NKAIN3: variants seen among roughly 807,000 people sequenced by gnomAD.
NKAIN3 encodes the protein sodium/potassium-transporting ATPase subunit beta-1-interacting protein 3.
In NKAIN3, 25 loss-of-function variants were observed where a neutral mutation model predicts 30.2. The ratio of observed to expected loss-of-function variants is 0.83; its 90% CI spans 0.60 to 1.16. NKAIN3 has a LOEUF of 1.16. Ranked by LOEUF, NKAIN3 falls within the 50% of genes most tolerant of loss-of-function variation. The pLI, the probability that NKAIN3 is intolerant of heterozygous loss-of-function variation, is 0.00. For missense variants in NKAIN3, 225 were observed against 254.1 expected (o/e 0.89, Z 0.78); for synonymous variants, 91 against 89.6 (o/e 1.02, Z -0.09).
intron 4 of NKAIN3, among the ~76,000 whole-genome samples, chr8:62,805,356 C>T (rs1586216457): frequency 6.6e-6 from 1 of 151,720 alleles, no homozygotes; most frequent in African/African-American, 2.4e-5. Context: ...CAATCCTAAG[C>T]CAAAAGAACA....
intron 1 of NKAIN3, among the ~76,000 whole-genome samples, chr8:62,541,497 C>T (rs1406966246): frequency 1.3e-5 from 2 of 152,090 alleles, no homozygotes; most frequent in African/African-American, 2.4e-5. Flanking sequence ...AATTTTCATT[C>T]ATTTTTCTGG....
chr8:62,650,073 GA>G (rs965015472), intron 3 of NKAIN3, among the ~76,000 whole-genome samples: 2 of 150,692 alleles, frequency 1.3e-5, no homozygotes, highest in South Asian at 2.1e-4. Flanking sequence ...TCTGATGGCT[GA>G]AAAAAAAACT....
At chr8:62,879,978 A>G (rs953188040) in intron 4 of NKAIN3, among the ~76,000 whole-genome samples, 9 of 152,140 alleles carry the variant, frequency 5.9e-5, no homozygotes, top group African/African-American at 1.9e-4. Context: ...AGATCACCTT[A>G]TTAGGAAGCA....
At chr8:62,504,597 A>G (rs1171844625) in intron 1 of NKAIN3, among the ~76,000 whole-genome samples, 2 of 152,180 alleles carry the variant, frequency 1.3e-5, no homozygotes, top group Non-Finnish European at 2.9e-5. Flanking sequence ...TGTTGCAATA[A>G]CAATCAAATT....
At chr8:62,337,891 G>A (rs900451070) in intron 1 of NKAIN3, among the ~76,000 whole-genome samples, 1 of 151,968 alleles carries the variant, frequency 6.6e-6, no homozygotes, top group Admixed American at 6.6e-5. Context: ...AGATGCGGAG[G>A]TCAACAAGCC....
At position 62,978,671 on chromosome 8, in the gene NKAIN3, C is replaced by G. The variant is rs1156367985; in HGVS notation, c.*13264C>G. 1 of 152,704 alleles carries G rather than the reference C, an allele frequency of 6.5e-6. No homozygotes were observed. The highest frequency in any genetic ancestry group is 1.5e-5 in the Non-Finnish European group (1 of 68,210). 9.5% of individuals were successfully genotyped at this position (152,704 alleles called of 1,614,324 possible). On this transcript the variant is annotated 3_prime_UTR_variant, in exon 7 of 7. Transcript: ENST00000623646. ...CTGGGCTCCATGGGGGTGGGATCTA[C>G]TGATCAAGACCACTTGGCTCCCTGG...
At chr8:62,261,347 C>A (rs1053409802) in intron 1 of NKAIN3, among the ~76,000 whole-genome samples, 2 of 151,848 alleles carry the variant, frequency 1.3e-5, no homozygotes, top group Admixed American at 6.6e-5. Flanking sequence ...CATTGCATAA[C>A]TGATTTGTTG....
At chr8:62,668,186 T>A (rs1813190585) in intron 3 of NKAIN3, among the ~76,000 whole-genome samples, 1 of 152,040 alleles carries the variant, frequency 6.6e-6, no homozygotes, top group African/African-American at 2.4e-5. Context: ...TTCACAGCAC[T>A]TGTGTCCATC....
At position 62,583,527 on chromosome 8, in the gene NKAIN3, A is replaced by G. The variant is rs564425877; in HGVS notation, c.192+3851A>G. Among the ~76,000 whole-genome samples, 3 of 152,328 alleles carry G rather than the reference A, an allele frequency of 2.0e-5. No homozygotes were observed. The South Asian group carries it at 6.2e-4, about 32-fold the overall frequency. On this transcript the variant is annotated intron_variant, in intron 2 of 6. Transcript: ENST00000623646. ...GTCATTAGGTTTCATTCTCATAAATATCCTACAGGGCATGTATTAGCTTCT... is the reference window on the plus strand; with the variant it reads ...GTCATTAGGTTTCATTCTCATAAATGTCCTACAGGGCATGTATTAGCTTCT...
At chr8:62,674,798 A>T (rs1813420043) in intron 3 of NKAIN3, among the ~76,000 whole-genome samples, 1 of 152,178 alleles carries the variant, frequency 6.6e-6, no homozygotes, top group Non-Finnish European at 1.5e-5. Context: ...AGGCATTAGG[A>T]TTGTGAAAAT....
At chr8:62,991,983 C>T (rs1824329482) in intron 5 of NKAIN3, among the ~76,000 whole-genome samples, 1 of 150,240 alleles carries the variant, frequency 6.7e-6, no homozygotes, top group Non-Finnish European at 1.5e-5. Context: ...CAGCACTGCT[C>T]CCCTCGCCAC....
At chr8:62,855,593 G>A in intron 4 of NKAIN3, 3 of 1,597,264 alleles carry the variant, frequency 1.9e-6, no homozygotes, top group Non-Finnish European at 1.7e-6. Context: ...CTTGGGCAAT[G>A]TCAGGTCCAC....
intron 5 of NKAIN3, among the ~76,000 whole-genome samples, chr8:62,925,333 C>T (rs1472979510): frequency 1.3e-5 from 2 of 152,130 alleles, no homozygotes; most frequent in East Asian, 1.9e-4. Context: ...TATCTCTTTC[C>T]TCACTCCCTA....
chr8:62,901,026 G>C (rs1821600454), intron 4 of NKAIN3, among the ~76,000 whole-genome samples: 1 of 152,106 alleles, frequency 6.6e-6, no homozygotes, highest in Non-Finnish European at 1.5e-5. Flanking sequence ...GAACAGTAAT[G>C]GTCCTGAGAA....
chr8:62,830,225 AG>A (rs1177757950), intron 4 of NKAIN3, among the ~76,000 whole-genome samples: 1 of 152,176 alleles, frequency 6.6e-6, no homozygotes, highest in Non-Finnish European at 1.5e-5. Flanking sequence ...CAGGGCTAAA[AG>A]TCACCTGGCT....
intron 4 of NKAIN3, among the ~76,000 whole-genome samples, chr8:62,916,801 G>C (rs79872844): frequency 0.026 from 4,002 of 152,216 alleles, 157 homozygotes; most frequent in African/African-American, 0.081. Context: ...AAGGAGAAAT[G>C]ATGGGAGAAA....
intron 4 of NKAIN3, among the ~76,000 whole-genome samples, chr8:62,764,325 G>A (rs1816768247): frequency 6.6e-6 from 1 of 152,140 alleles, no homozygotes; most frequent in Non-Finnish European, 1.5e-5. Flanking sequence ...AAGAAACTGG[G>A]ACATAAAGAA....
At chr8:62,434,373 G>A (rs1805106423) in intron 1 of NKAIN3, among the ~76,000 whole-genome samples, 1 of 152,120 alleles carries the variant, frequency 6.6e-6, no homozygotes, top group South Asian at 2.1e-4. Flanking sequence ...GGATGCAGTG[G>A]CATTGCAGGA....
intron 1 of NKAIN3, among the ~76,000 whole-genome samples, chr8:62,366,356 A>G (rs1816740937): frequency 6.6e-6 from 1 of 151,826 alleles, no homozygotes; most frequent in African/African-American, 2.4e-5. Flanking sequence ...CATCCCGAGT[A>G]GCTGGGATTA....
Sources: gnomAD v4.1 joint callset for allele counts (sites outside exome capture counted in the v4.1 genomes callset) on GRCh38, gnomAD v4.1.1 for gene constraint, MANE v1.5 for transcripts, NCBI Gene and HGNC (gene_info 2026-07-23, HGNC 2026-07-21) for gene names.